The following ZFP14 variants were observed in gnomAD, a reference collection of about 807,000 sequenced individuals.
The protein encoded by ZFP14 is zinc finger protein 14 homolog.
Under a neutral mutation model 54.5 loss-of-function variants are expected in ZFP14, and 22 were observed. The observed-to-expected ratio is 0.40, with a 90% CI of 0.29 to 0.58. ZFP14 has a LOEUF of 0.58. Among genes scored for constraint, ZFP14 ranks in the 20% least tolerant of loss-of-function variants. The pLI is 0.39. For missense variants in ZFP14, 470 were observed against 637.8 expected, an observed-to-expected ratio of 0.74 and a Z score of 2.83; for synonymous variants, 159 against 204.0, an observed-to-expected ratio of 0.78 and a Z score of 1.88.
At position 36,342,771 on chromosome 19, in the gene ZFP14, T is replaced by C. The variant is rs151016084; in HGVS notation, c.236-1181A>G. Among the ~76,000 whole-genome samples, 171 of 140,842 alleles carry C rather than the reference T, an allele frequency of 1.2e-3. 1 individual carries two copies. The highest frequency in any genetic ancestry group is 4.4e-3 in the African/African-American group (166 of 37,868). 92.4% of individuals were successfully genotyped at this position (140,842 alleles called of 152,430 possible). On this transcript the variant is annotated intron_variant, in intron 4 of 4. Coordinates refer to ENST00000270001, the MANE Select transcript of ZFP14 (RefSeq NM_020917.3). ...GGGGAGGGAGACCTGGGTGCAGACA[T>C]TTATTATTAATTTTCTTAAAACGGG...
chr19:36,349,527 G>A (rs893026569), intron 4 of ZFP14, among the ~76,000 whole-genome samples: 12 of 150,918 alleles, frequency 8.0e-5, no homozygotes, highest in African/African-American at 2.4e-4. Flanking sequence ...TTAGCCAGGC[G>A]TGGTGGTGTG....
chr19:36,377,296 T>C (rs73608310), intron 1 of ZFP14, among the ~76,000 whole-genome samples: 5,956 of 152,210 alleles, frequency 0.039, 362 homozygotes, highest in African/African-American at 0.14. Context: ...ACGCCTGTAA[T>C]CTCAACACTT....
At chr19:36,369,946 C>T (rs939875507) in intron 1 of ZFP14, among the ~76,000 whole-genome samples, 1 of 152,166 alleles carries the variant, frequency 6.6e-6, no homozygotes, top group African/African-American at 2.4e-5. Flanking sequence ...GCAATCCTCC[C>T]ACCTCAGATT....
intron 4 of ZFP14, among the ~76,000 whole-genome samples, chr19:36,349,166 G>A (rs7343105): frequency 0.36 from 51,197 of 144,128 alleles, 9,172 homozygotes; most frequent in South Asian, 0.43. Flanking sequence ...GAGAGGCGGA[G>A]GTTTCAGTGA....
chr19:36,337,389 A>G lies in ZFP14; in HGVS notation c.*2835T>C, dbSNP rs911720680. On this transcript the variant is annotated 3_prime_UTR_variant, in exon 5 of 5. Transcript: ENST00000270001. ...TGTGCAGATTCAACCAATCTCAAAT[A>G]GAAAATACTCAAAAAAAAACAATAA... The G allele has an allele frequency of 4.6e-5, 7 of 151,826 alleles. No individual in the cohort carries two copies. In the East Asian group the frequency reaches 1.3e-3, roughly 29 times the overall value. 9.4% of individuals were successfully genotyped at this position (151,826 alleles called of 1,614,324 possible).
At chr19:36,349,671 C>CA (rs11308808) in intron 4 of ZFP14, among the ~76,000 whole-genome samples, 87 of 133,932 alleles carry the variant, frequency 6.5e-4, no homozygotes, top group African/African-American at 2.0e-3. Flanking sequence ...TGTCTCAAAA[C>CA]AAAAAAAAAA....
intron 4 of ZFP14, among the ~76,000 whole-genome samples, chr19:36,348,617 C>T (rs924787584): frequency 2.0e-5 from 3 of 152,176 alleles, no homozygotes; most frequent in African/African-American, 7.2e-5. Flanking sequence ...CTGCCTCAGC[C>T]TCCCAAGTAG....
rs772321863 is a variant in ZFP14 at position 36,340,800 on chromosome 19, A to G, written c.1026T>C (p.Cys342=). The change falls in exon 5 of 5, where the codon TGT becomes TGC. Residue 342 remains cysteine, a synonymous_variant. Transcript: ENST00000270001. This position sits in a 1 kb window ranked among gnomAD's most constrained non-coding sequence, Gnocchi z 5.4. ...KIHFGEKPYE[C]KECGKAFRIC... is the part of the protein sequence containing the mutation. ...TTCTAAAAGCCTTTCCACACTCCTTACATTCATAGGGTTTCTCACCAAAAT... is the reference window on the plus strand; with the variant it reads ...TTCTAAAAGCCTTTCCACACTCCTTGCATTCATAGGGTTTCTCACCAAAAT... 13 of 1,614,152 alleles carry G rather than the reference A, an allele frequency of 8.1e-6. No homozygotes were observed. Among genetic ancestry groups the G allele is most frequent in the Non-Finnish European group, 1.1e-5 (13 of 1,180,018 alleles).
intron 2 of ZFP14, among the ~76,000 whole-genome samples, chr19:36,366,335 T>C (rs1010935180): frequency 6.6e-6 from 1 of 152,136 alleles, no homozygotes; most frequent in African/African-American, 2.4e-5. Flanking sequence ...TTTTGTCTTT[T>C]TGAGATAGGG....
chr19:36,370,708 T>C (rs2031865715), intron 1 of ZFP14, among the ~76,000 whole-genome samples: 1 of 152,196 alleles, frequency 6.6e-6, no homozygotes. Flanking sequence ...CCCAGCACTA[T>C]ACCCACCGTA....
At chr19:36,370,392 A>G (rs1295858484) in intron 1 of ZFP14, among the ~76,000 whole-genome samples, 3 of 152,182 alleles carry the variant, frequency 2.0e-5, no homozygotes, top group African/African-American at 7.2e-5. Context: ...GTAGCCACAG[A>G]CTGACCCTCT....
At chr19:36,365,127 C>T (rs2031774587) in intron 2 of ZFP14, among the ~76,000 whole-genome samples, 1 of 148,684 alleles carries the variant, frequency 6.7e-6, no homozygotes, top group Non-Finnish European at 1.5e-5. Context: ...GCAATGGCCT[C>T]CCAAAGGAGG....
chr19:36,337,766 G>A lies in ZFP14; in HGVS notation c.*2458C>T, dbSNP rs1011398171. On this transcript the variant is annotated 3_prime_UTR_variant, in exon 5 of 5. Transcript: ENST00000270001. ...CATTACGTCAGGAAGTGTGTTGTCT[G>A]ATAGACCCATTTTTATTAAGGTTAA... is the stretch of plus-strand genomic sequence containing the variant. 6.6e-6 allele frequency: 1 copy of A among 152,048 alleles called. No individual in the cohort carries two copies. The highest frequency in any genetic ancestry group is 2.4e-5 in the African/African-American group (1 of 41,416). The allele number at this position is 152,048 out of a possible 1,614,324, so 9.4% of individuals were successfully genotyped here.
Position 36,336,925 on chromosome 19 carries a change from G to C in ZFP14, c.*3299C>G, listed in dbSNP as rs1223962288. On this transcript the variant is annotated 3_prime_UTR_variant, in exon 5 of 5. Coordinates refer to ENST00000270001, the MANE Select transcript of ZFP14 (RefSeq NM_020917.3). ...ACTCCACTTAAATTATCAACATGTT[G>C]CCAATTTAGTTTCCAGCTCTCTTTG... 6.6e-6 allele frequency: 1 copy of C among 151,426 alleles called. No individual in the cohort carries two copies. Among genetic ancestry groups the C allele is most frequent in the Non-Finnish European group, 1.5e-5 (1 of 67,994 alleles). 9.4% of individuals were successfully genotyped at this position (151,426 alleles called of 1,614,324 possible).
intron 2 of ZFP14, chr19:36,362,760 G>T: frequency 8.3e-6 from 2 of 240,110 alleles, no homozygotes; most frequent in Non-Finnish European, 1.7e-5. Flanking sequence ...AGAAATATGA[G>T]GTCTTGGGCT....
rs918689212 is a variant in ZFP14 at position 36,340,746 on chromosome 19, A to G, written c.1080T>C (p.Ser360=). ...CGTAGGGTTTCTCACCAGTATGAAT[A>G]CTCTGATGAACAGTAAGTTGTTGGC... ...RICQQLTVHQ[S]IHTGEKPYEC... is the part of the protein sequence containing the mutation. The change falls in exon 5 of 5, where the codon AGT becomes AGC. Residue 360 remains serine (S), a synonymous_variant. Transcript: ENST00000270001. The surrounding 1 kb of genome is among the most constrained non-coding windows in gnomAD (Gnocchi z 5.4). The G allele has an allele frequency of 1.4e-5, 23 of 1,613,282 alleles. No individual in the cohort carries two copies. Among genetic ancestry groups the G allele is most frequent in the Non-Finnish European group, 1.9e-5 (23 of 1,179,828 alleles).
Position 36,360,498 on chromosome 19 carries a change from A to G in ZFP14, c.172T>C (p.Leu58=). The G allele has an allele frequency of 4.3e-6, 7 of 1,613,694 alleles. No homozygotes were observed. Among genetic ancestry groups the G allele is most frequent in the African/African-American group, 4.0e-5 (3 of 75,032 alleles). Residue 58 remains leucine, a synonymous_variant, in exon 4 of 5, where the codon TTG becomes CTG. Transcript: ENST00000270001. ...SISKPDVITL[L]DEERKEPGMV... ...CCAGGTTCCTTCCTTTCTTCATCCA[A>G]TAAGGTAATCACATCTGGTTTAGAA...
chr19:36,367,683 C>T (rs992325494), intron 2 of ZFP14, among the ~76,000 whole-genome samples: 9 of 152,064 alleles, frequency 5.9e-5, no homozygotes, highest in African/African-American at 2.2e-4. Flanking sequence ...AGGCTGGTCT[C>T]GAACTCCTGA....
At chr19:36,372,079 G>A (rs1162649485) in intron 1 of ZFP14, among the ~76,000 whole-genome samples, 2 of 150,178 alleles carry the variant, frequency 1.3e-5, no homozygotes, top group African/African-American at 4.9e-5. Context: ...AAGGAAGGGA[G>A]GGAGGTAGGG....
Sources: allele counts gnomAD v4.1 joint callset (sites outside exome capture counted in the v4.1 genomes callset), GRCh38; gene constraint gnomAD v4.1.1; non-coding constraint Gnocchi (gnomAD v3.1); transcripts MANE v1.5; gene names NCBI Gene and HGNC (gene_info 2026-07-23, HGNC 2026-07-21).